Variants in WIPF2 observed in about 807,000 individuals in gnomAD.
The protein encoded by WIPF2 is WAS/WASL-interacting protein family member 2.
In WIPF2, 23 loss-of-function variants were observed where a neutral mutation model predicts 38.8. The ratio of observed to expected loss-of-function variants is 0.59; its 90% CI spans 0.43 to 0.84. The LOEUF (loss-of-function observed/expected upper bound fraction) is 0.84, where lower values mean the gene tolerates loss of function less well. WIPF2 is among the 40% of genes least tolerant of loss of function. The pLI is 0.00. For synonymous variants in WIPF2, 210 were observed against 223.2 expected (o/e 0.94, Z 0.53); for missense variants, 574 against 580.5 (o/e 0.99, Z 0.11).
Position 40,219,464 on chromosome 17 carries a change from G to T in WIPF2, c.-98G>T. On this transcript the variant is annotated 5_prime_UTR_variant, in exon 1 of 8. The change creates a new upstream start codon in the 5' untranslated region. Coordinates refer to ENST00000323571, the MANE Select transcript of WIPF2 (RefSeq NM_133264.5). ...ACGAAGCCGGAGTGTAGGCGGCAGA[G>T]GATTCGCTCCCAGAGCAGCTGCGGC... is the stretch of plus-strand genomic sequence containing the variant. 3.9e-6 allele frequency: 1 copy of T among 258,374 alleles called. No individual in the cohort carries two copies. Among genetic ancestry groups the T allele is most frequent in the Non-Finnish European group, 7.6e-6 (1 of 131,310 alleles). 16.0% of individuals were successfully genotyped at this position (258,374 alleles called of 1,614,324 possible).
At chr17:40,255,738 C>T (rs1213755500) in intron 1 of WIPF2, among the ~76,000 whole-genome samples, 3 of 151,520 alleles carry the variant, frequency 2.0e-5, no homozygotes, top group Admixed American at 2.0e-4. Context: ...ACGCCATTCT[C>T]CTGCCTCAGC....
intron 1 of WIPF2, among the ~76,000 whole-genome samples, chr17:40,229,319 C>T (rs2030643682): frequency 6.6e-6 from 1 of 152,078 alleles, no homozygotes; most frequent in African/African-American, 2.4e-5. Context: ...CCTTATTAGG[C>T]TGGTCTCGAA....
chr17:40,256,728 C>T (rs1259968472), intron 2 of WIPF2, among the ~76,000 whole-genome samples: 1 of 152,108 alleles, frequency 6.6e-6, no homozygotes, highest in African/African-American at 2.4e-5. Context: ...TTGTACAAGA[C>T]ATAGTGTATA....
chr17:40,241,261 G>A (rs1234583122), intron 1 of WIPF2, among the ~76,000 whole-genome samples: 1 of 152,144 alleles, frequency 6.6e-6, no homozygotes, highest in Non-Finnish European at 1.5e-5. Flanking sequence ...TTTTTTTAAA[G>A]TGTGTTTGTT....
chr17:40,224,408 T>A (rs1353650966), intron 1 of WIPF2, among the ~76,000 whole-genome samples: 2 of 142,286 alleles, frequency 1.4e-5, no homozygotes, highest in South Asian at 2.3e-4. Context: ...TTTTTTGTAT[T>A]TTTTTTTTTT....
intron 1 of WIPF2, among the ~76,000 whole-genome samples, chr17:40,237,401 C>T (rs117293524): frequency 0.015 from 2,320 of 151,858 alleles, 30 homozygotes; most frequent in Non-Finnish European, 0.023. Flanking sequence ...CCACAACGCC[C>T]GCCTGATTTT....
At chr17:40,264,394 C>G in intron 4 of WIPF2, 96 bp from the exon 5 acceptor site, 1 of 883,948 alleles carries the variant, frequency 1.1e-6, no homozygotes, top group South Asian at 1.4e-5. Flanking sequence ...CCTTTCCCTG[C>G]TGCCATGCAG....
At chr17:40,222,946 C>T (rs1229819980) in intron 1 of WIPF2, among the ~76,000 whole-genome samples, 2 of 149,974 alleles carry the variant, frequency 1.3e-5, no homozygotes, top group Middle Eastern at 3.4e-3. Context: ...GTTGAGATTA[C>T]AGGCATGAGC....
chr17:40,283,771 C>A lies in WIPF2; in HGVS notation c.*5546C>A, dbSNP rs2032603291. ...GGGTGTTGGCTGTTTTTCGTCACTG[C>A]TTTTTAAGCTGAATCTTAGCTGGTT... On this transcript the variant is annotated 3_prime_UTR_variant, in exon 8 of 8. Transcript: ENST00000323571. 2 of 152,166 alleles carry A rather than the reference C, an allele frequency of 1.3e-5. No individual in the cohort carries two copies. Among genetic ancestry groups the A allele is most frequent in the South Asian group, 4.1e-4 (2 of 4,828 alleles). The allele number at this position is 152,166 out of a possible 1,614,324, so 9.4% of individuals were successfully genotyped here. A position where few individuals can be genotyped will look rare whatever the true frequency, so the allele number is the denominator to read the frequency against.
chr17:40,277,380 C>T (rs972182809), intron 7 of WIPF2, among the ~76,000 whole-genome samples, 196 bp downstream of exon 7: 10 of 152,116 alleles, frequency 6.6e-5, no homozygotes, highest in Non-Finnish European at 1.0e-4. Context: ...AACCCTGTCT[C>T]TACTAAAAAT....
chr17:40,223,791 T>TG (rs1257421769), intron 1 of WIPF2, among the ~76,000 whole-genome samples: 1 of 151,966 alleles, frequency 6.6e-6, no homozygotes, highest in East Asian at 1.9e-4. Context: ...TTCACTGTGT[T>TG]GGTCAGGCTG....
In WIPF2 at chr17:40,254,303, C is replaced by A. The variant is rs191501412; in HGVS notation, c.-69-2088C>A. On this transcript the variant is annotated intron_variant, in intron 1 of 7. Transcript: ENST00000323571. ...AAGTGTTGGGATTACAGGCATGAGC[C>A]ACCATGCCTGGCCTCCTAATCTTAT... Among the ~76,000 whole-genome samples, 473 of 152,280 alleles carry A rather than the reference C, an allele frequency of 3.1e-3. 2 individuals carry two copies. The highest frequency in any genetic ancestry group is 5.8e-3 in the South Asian group (28 of 4,830).
intron 3 of WIPF2, among the ~76,000 whole-genome samples, chr17:40,261,383 C>T (rs1365517554): frequency 1.3e-5 from 2 of 151,666 alleles, no homozygotes; most frequent in East Asian, 3.9e-4. Context: ...CTGCAACCTC[C>T]GCCTCCCAGG....
chr17:40,225,370 A>C (rs1485199728), intron 1 of WIPF2, among the ~76,000 whole-genome samples: 5 of 152,034 alleles, frequency 3.3e-5, no homozygotes, highest in African/African-American at 1.2e-4. Context: ...GGGGAACAAC[A>C]ATGTTAATAG....
In WIPF2 at chr17:40,261,302, T is replaced by G. The variant is rs118017734; in HGVS notation, c.196+635T>G. Among the ~76,000 whole-genome samples the G allele has an allele frequency of 8.2e-3, 1,254 of 152,206 alleles. 10 individuals carry two copies. Among genetic ancestry groups the G allele is most frequent in the Non-Finnish European group, 0.012 (846 of 68,014 alleles). The stretch of plus-strand genomic sequence containing the variant: ...ATAACTATGTTGAACATTTCTTTTT[T>G]TTTTTTTAAAGACTGAGTTTTGCTC... On this transcript the variant is annotated intron_variant, in intron 3 of 7. Coordinates refer to ENST00000323571, the MANE Select transcript of WIPF2 (RefSeq NM_133264.5).
At chr17:40,232,179 A>ATTTTTTTTTTTTTTTTTTTTTTTTTTTT (rs752876006) in intron 1 of WIPF2, among the ~76,000 whole-genome samples, 2 of 76,052 alleles carry the variant, frequency 2.6e-5, no homozygotes, top group Non-Finnish European at 4.7e-5. Flanking sequence ...TGCCTGGCTA[A>ATTTTTTTTTTTTTTTTTTTTTTTTTTTT]TTTTTTTTTT....
rs2030195385 is a variant in WIPF2, at chr17:40,220,735, T to G, written c.-70+1243T>G. Among the ~76,000 whole-genome samples the G allele has an allele frequency of 2.7e-5, 4 of 148,908 alleles. No homozygotes were observed. In the South Asian group the frequency reaches 8.5e-4, roughly 32 times the overall value. ...CTCCTGTCTCGGCCTCCGCAAGTGC[T>G]GGGATTACAGGGATGAGCCACTGTG... On this transcript the variant is annotated intron_variant, in intron 1 of 7. Coordinates refer to ENST00000323571, the MANE Select transcript of WIPF2 (RefSeq NM_133264.5).
chr17:40,263,731 C>T (rs867664956), intron 4 of WIPF2, among the ~76,000 whole-genome samples: 8 of 151,442 alleles, frequency 5.3e-5, no homozygotes, highest in Admixed American at 3.3e-4. Context: ...TTAGTAGAGA[C>T]GGGGTTTCAC....
In WIPF2 at chr17:40,283,003, A is replaced by G. The variant is rs965745498; in HGVS notation, c.*4778A>G. The G allele has an allele frequency of 6.6e-6, 1 of 151,980 alleles. No homozygotes were observed. The highest frequency in any genetic ancestry group is 6.6e-5 in the Admixed American group (1 of 15,242). 9.4% of individuals were successfully genotyped at this position (151,980 alleles called of 1,614,324 possible). A position where few individuals can be genotyped will look rare whatever the true frequency, so the allele number is the denominator to read the frequency against. On this transcript the variant is annotated 3_prime_UTR_variant, in exon 8 of 8. Transcript: ENST00000323571. ...GGAGTTCAAGACCAGCTTGGCCAAC[A>G]TGGTGAAACCCCGTCTCTACTGAAA...
Sources: allele counts gnomAD v4.1 joint callset (sites outside exome capture counted in the v4.1 genomes callset), GRCh38; gene constraint gnomAD v4.1.1; transcripts MANE v1.5; gene names NCBI Gene and HGNC (gene_info 2026-07-23, HGNC 2026-07-21).